The following CSMD1 variants were observed in gnomAD, a reference collection of about 807,000 sequenced individuals.
The protein encoded by CSMD1 is CUB and sushi domain-containing protein 1.
A neutral mutation model predicts 417.5 loss-of-function variants in CSMD1; 213 were observed. The observed-to-expected ratio is 0.51, with a 90% CI of 0.46 to 0.57. The LOEUF is 0.57. CSMD1 is among the 20% of genes least tolerant of loss of function. The pLI is 0.00. For synonymous variants in CSMD1, 2,862 were observed against 1,736.8 expected, an observed-to-expected ratio of 1.65 and a Z score of -16.11; for missense variants, 6,923 against 4,529.7, an observed-to-expected ratio of 1.53 and a Z score of -15.17.
At chr8:3,257,529 C>G (rs867971175) in intron 26 of CSMD1, among the ~76,000 whole-genome samples, 1 of 152,212 alleles carries the variant, frequency 6.6e-6, no homozygotes, top group Non-Finnish European at 1.5e-5. Context: ...ACAGGAGTGT[C>G]GATGGCACTG....
At chr8:4,201,241 A>T (rs1339911670) in intron 3 of CSMD1, among the ~76,000 whole-genome samples, 1 of 152,194 alleles carries the variant, frequency 6.6e-6, no homozygotes, top group Non-Finnish European at 1.5e-5. Context: ...GTATGGTTGT[A>T]AGTAAAAAAA....
At chr8:4,360,190 C>A (rs1243786226) in intron 3 of CSMD1, among the ~76,000 whole-genome samples, 2 of 152,094 alleles carry the variant, frequency 1.3e-5, no homozygotes, top group Admixed American at 6.5e-5. Flanking sequence ...CGAGTAAACG[C>A]GTGGCATTTG....
chr8:4,948,331 G>C (rs1182245566), intron 1 of CSMD1, among the ~76,000 whole-genome samples: 1 of 151,860 alleles, frequency 6.6e-6, no homozygotes, highest in East Asian at 1.9e-4. Context: ...TTTTTGAAGT[G>C]TCAATTCAAA....
intron 26 of CSMD1, among the ~76,000 whole-genome samples, chr8:3,270,772 T>C (rs545127513): frequency 3.1e-4 from 47 of 152,284 alleles, no homozygotes; most frequent in African/African-American, 1.1e-3. Flanking sequence ...TTAGTCTGTT[T>C]TCATGCTGCT....
chr8:3,060,698 C>A (rs1380193495), intron 49 of CSMD1, among the ~76,000 whole-genome samples: 8 of 152,186 alleles, frequency 5.3e-5, no homozygotes, highest in Admixed American at 5.2e-4. Context: ...TAGCCCCCAT[C>A]ATGCTTTGAA....
chr8:2,962,569 G>A lies in CSMD1; in HGVS notation c.9525C>T (p.Ser3175=), dbSNP rs374609823. 1.2e-4 allele frequency: 192 copies of A among 1,613,846 alleles called. 4 individuals are homozygous for A. In the Middle Eastern group the frequency reaches 9.6e-3, roughly 80 times the overall value. Reference sequence around the variant, plus strand: ...GAGATTTGCACTGGAAGAAGACTTCGGACTTATAGGTGAAACTTTTCCCAC... The same window carrying A: ...GAGATTTGCACTGGAAGAAGACTTCAGACTTATAGGTGAAACTTTTCCCAC... ...RLSGKSFTYK[S]EVFFQCKSPF... is the part of the protein sequence containing the mutation. Residue 3175 remains serine (S), a synonymous_variant, in exon 61 of 70, where the codon TCC becomes TCT. Transcript: ENST00000635120.
chr8:4,259,727 A>G (rs1003074623), intron 3 of CSMD1, among the ~76,000 whole-genome samples: 3 of 152,176 alleles, frequency 2.0e-5, no homozygotes, highest in Non-Finnish European at 4.4e-5. Context: ...TGCCACAAAT[A>G]TATACACATA....
At chr8:3,754,874 C>A (rs989784917) in intron 5 of CSMD1, among the ~76,000 whole-genome samples, 1 of 152,078 alleles carries the variant, frequency 6.6e-6, no homozygotes, top group Non-Finnish European at 1.5e-5. Flanking sequence ...GCCTTTCCTA[C>A]CAAAGTAAAG....
chr8:4,886,607 A>C (rs925408722), intron 1 of CSMD1, among the ~76,000 whole-genome samples: 5 of 152,000 alleles, frequency 3.3e-5, no homozygotes, highest in African/African-American at 4.8e-5. Context: ...ATAATTCAGC[A>C]GTAAAACTGT....
chr8:4,385,876 A>C (rs2128921164), intron 3 of CSMD1, among the ~76,000 whole-genome samples: 1 of 152,308 alleles, frequency 6.6e-6, no homozygotes, highest in Non-Finnish European at 1.5e-5. Context: ...TATGCTTAAA[A>C]ATTAATGCCA....
At chr8:3,748,878 T>A (rs539827789) in intron 6 of CSMD1, among the ~76,000 whole-genome samples, 1 of 152,342 alleles carries the variant, frequency 6.6e-6, no homozygotes, top group Admixed American at 6.5e-5. Context: ...TTATCGCCAC[T>A]GTCAGGGTTT....
At chr8:3,933,988 C>A (rs953912946) in intron 5 of CSMD1, among the ~76,000 whole-genome samples, 1 of 152,098 alleles carries the variant, frequency 6.6e-6, no homozygotes, top group Admixed American at 6.6e-5. Flanking sequence ...AAGTGGCAAA[C>A]CCATGGCAAA....
chr8:4,544,696 A>G (rs74824064), intron 2 of CSMD1, among the ~76,000 whole-genome samples: 146 of 152,332 alleles, frequency 9.6e-4, no homozygotes, highest in African/African-American at 3.3e-3. Context: ...GTGTATTACA[A>G]TGTATCCTTG....
chr8:3,608,625 A>T (rs147622304), intron 8 of CSMD1, among the ~76,000 whole-genome samples: 3,787 of 151,802 alleles, frequency 0.025, 69 homozygotes, highest in Middle Eastern at 0.078. Context: ...TTAGCCGGGC[A>T]TGGTAGCACA....
chr8:3,309,078 C>G (rs1805119696), intron 23 of CSMD1, among the ~76,000 whole-genome samples: 1 of 152,094 alleles, frequency 6.6e-6, no homozygotes, highest in Non-Finnish European at 1.5e-5. Context: ...TCCAAGCCTC[C>G]AGTCTGCACC....
At chr8:3,242,090 G>GAC (rs1799570515) in intron 26 of CSMD1, among the ~76,000 whole-genome samples, 1 of 143,878 alleles carries the variant, frequency 7.0e-6, no homozygotes. Context: ...TCTGATTTGG[G>GAC]ATAAAGAAAA....
chr8:4,634,783 T>G (rs1802726845), intron 2 of CSMD1, among the ~76,000 whole-genome samples: 1 of 152,160 alleles, frequency 6.6e-6, no homozygotes, highest in African/African-American at 2.4e-5. Context: ...ATCCTGAATG[T>G]TGAAAGAGAA....
At chr8:3,300,407 A>AT (rs1055161840) in intron 25 of CSMD1, among the ~76,000 whole-genome samples, 2 of 152,236 alleles carry the variant, frequency 1.3e-5, no homozygotes, top group Non-Finnish European at 2.9e-5. Flanking sequence ...AAGAAAAATA[A>AT]TTAACCATAA....
intron 5 of CSMD1, among the ~76,000 whole-genome samples, chr8:3,850,024 G>C (rs900967089): frequency 1.4e-5 from 2 of 143,934 alleles, no homozygotes; most frequent in East Asian, 2.1e-4. Flanking sequence ...TCAAACTTCT[G>C]ACCTCAGGTG....
Sources: gnomAD v4.1 joint callset for allele counts (sites outside exome capture counted in the v4.1 genomes callset) on GRCh38, gnomAD v4.1.1 for gene constraint, MANE v1.5 for transcripts, NCBI Gene and HGNC (gene_info 2026-07-23, HGNC 2026-07-21) for gene names.